CENPW: variants seen among roughly 807,000 people sequenced by gnomAD.
CENPW encodes centromere protein W.
Under a neutral mutation model 11.1 loss-of-function variants are expected in CENPW, and 3 were observed. The observed-to-expected ratio is 0.27, with a 90% CI of 0.12 to 0.70. CENPW has a LOEUF of 0.70. CENPW is among the 30% of genes least tolerant of loss of function. The probability of loss-of-function intolerance (pLI) is 0.77; values close to 1 mark genes in which losing one functional copy is unlikely to be tolerated. For synonymous variants in CENPW, 38 were observed against 42.0 expected, an observed-to-expected ratio of 0.91 and a Z score of 0.37; for missense variants, 100 against 105.6, an observed-to-expected ratio of 0.95 and a Z score of 0.23.
At chr6:126,346,759 C>T (rs1374211281) in intron 2 of CENPW, among the ~76,000 whole-genome samples, 1 of 152,122 alleles carries the variant, frequency 6.6e-6, no homozygotes, top group African/African-American at 2.4e-5. Context: ...AACCGCCCCC[C>T]ATGATCTAAT....
At chr6:126,471,358 A>G in the CENPW span, among the ~76,000 whole-genome samples, 1 of 152,134 alleles carries the variant, frequency 6.6e-6, no homozygotes, top group African/African-American at 2.4e-5. Context: ...GTCTTCTGCC[A>G]TGATTGTAAG....
At chr6:126,471,366 A>G in the CENPW span, among the ~76,000 whole-genome samples, 1 of 152,034 alleles carries the variant, frequency 6.6e-6, no homozygotes, top group African/African-American at 2.4e-5. Flanking sequence ...CCATGATTGT[A>G]AGTTTCTTGA....
In CENPW at chr6:126,340,224, G is replaced by A. The variant is rs772863586; in HGVS notation, c.-50G>A. The A allele has an allele frequency of 1.3e-6, 2 of 1,583,048 alleles. No homozygotes were observed. Among genetic ancestry groups the A allele is most frequent in the East Asian group, 2.2e-5 (1 of 44,728 alleles). On this transcript the variant is annotated 5_prime_UTR_variant, in exon 1 of 3. Coordinates refer to ENST00000368328, the MANE Select transcript of CENPW (RefSeq NM_001012507.4). Reference sequence around the variant, plus strand: ...CCCAGTGTCCCCGGAGCTTGTGTGCGATACAGAGAGCACCTCGGAAGCTGA... The same window carrying A: ...CCCAGTGTCCCCGGAGCTTGTGTGCAATACAGAGAGCACCTCGGAAGCTGA...
At chr6:126,389,658 C>CTGTGTG in the CENPW span, among the ~76,000 whole-genome samples, 659 of 149,320 alleles carry the variant, frequency 4.4e-3, 6 homozygotes, top group Middle Eastern at 0.027. Flanking sequence ...GACCTTTGCT[C>CTGTGTG]TGTGTGTGTG....
chr6:126,400,343 T>G, the CENPW span, among the ~76,000 whole-genome samples: 1 of 152,140 alleles, frequency 6.6e-6, no homozygotes, highest in Non-Finnish European at 1.5e-5. Context: ...TTATTGGTTA[T>G]TCATATATCT....
At chr6:126,395,598 A>C in the CENPW span, among the ~76,000 whole-genome samples, 5 of 152,100 alleles carry the variant, frequency 3.3e-5, no homozygotes, top group Non-Finnish European at 5.9e-5. Context: ...TGAGGCTTGC[A>C]GATTTTTTTT....
At chr6:126,459,919 CT>C in the CENPW span, among the ~76,000 whole-genome samples, 21 of 145,242 alleles carry the variant, frequency 1.4e-4, no homozygotes, top group African/African-American at 2.0e-4. Flanking sequence ...TTTTTTCTTC[CT>C]TTTTTTTTTA....
chr6:126,471,586 AAT>A, the CENPW span, among the ~76,000 whole-genome samples: 1 of 152,336 alleles, frequency 6.6e-6, no homozygotes, highest in African/African-American at 2.4e-5. Flanking sequence ...GGAATGGATA[AAT>A]ATATATTCTC....
At chr6:126,414,184 A>T in the CENPW span, among the ~76,000 whole-genome samples, 36,852 of 151,856 alleles carry the variant, frequency 0.24, 4,878 homozygotes, top group Non-Finnish European at 0.3. Context: ...ATATTATTAC[A>T]TATAAAGGAA....
the CENPW span, among the ~76,000 whole-genome samples, chr6:126,452,787 C>A: frequency 2.8e-4 from 42 of 151,028 alleles, no homozygotes; most frequent in Non-Finnish European, 2.4e-4. Context: ...ATTTAGGCAA[C>A]CTCAAGCATG....
the CENPW span, among the ~76,000 whole-genome samples, chr6:126,383,644 C>G: frequency 1.3e-5 from 2 of 151,978 alleles, no homozygotes; most frequent in African/African-American, 2.4e-5. Context: ...TCAGACAAAA[C>G]ATACCGTAAA....
At chr6:126,359,559 T>C in the CENPW span, among the ~76,000 whole-genome samples, 1 of 152,138 alleles carries the variant, frequency 6.6e-6, no homozygotes, top group African/African-American at 2.4e-5. Flanking sequence ...TCTGTCTAAG[T>C]TTTTTCCTAG....
chr6:126,409,549 C>T, the CENPW span, among the ~76,000 whole-genome samples: 1 of 151,920 alleles, frequency 6.6e-6, no homozygotes, highest in Non-Finnish European at 1.5e-5. Flanking sequence ...AGTATCTCTT[C>T]CTTTATATGT....
At chr6:126,353,587 G>T (rs1488087565), downstream of CENPW, among the ~76,000 whole-genome samples, 1 of 151,582 alleles carries the variant, frequency 6.6e-6, no homozygotes, top group Non-Finnish European at 1.5e-5. Context: ...TTCTGCTTGG[G>T]GTTCCTGCCT....
At chr6:126,386,801 T>C in the CENPW span, among the ~76,000 whole-genome samples, 1 of 151,948 alleles carries the variant, frequency 6.6e-6, no homozygotes. Context: ...GAAGAACACA[T>C]AGTCTAATTA....
At chr6:126,455,351 T>G in the CENPW span, among the ~76,000 whole-genome samples, 358 of 151,634 alleles carry the variant, frequency 2.4e-3, no homozygotes, top group Non-Finnish European at 4.3e-3. Context: ...ATCAAAAAGC[T>G]AATCCACCAT....
At chr6:126,399,212 C>T in the CENPW span, among the ~76,000 whole-genome samples, 1 of 151,976 alleles carries the variant, frequency 6.6e-6, no homozygotes, top group African/African-American at 2.4e-5. Context: ...GTTCTAAGTT[C>T]TTTGAGAAAT....
At chr6:126,420,405 G>T in the CENPW span, among the ~76,000 whole-genome samples, 1 of 152,092 alleles carries the variant, frequency 6.6e-6, no homozygotes, top group Non-Finnish European at 1.5e-5. Flanking sequence ...AATGGTAGTC[G>T]CTGAAAAATA....
At chr6:126,432,000 G>T in the CENPW span, among the ~76,000 whole-genome samples, 1 of 149,238 alleles carries the variant, frequency 6.7e-6, no homozygotes, top group Non-Finnish European at 1.5e-5. Context: ...AGAAGGTGGA[G>T]GTTGTGGTGA....
Sources: allele counts gnomAD v4.1 joint callset (sites outside exome capture counted in the v4.1 genomes callset), GRCh38; gene constraint gnomAD v4.1.1; transcripts MANE v1.5; gene names NCBI Gene and HGNC (gene_info 2026-07-23, HGNC 2026-07-21).